PDK1: variants seen among roughly 807,000 people sequenced by gnomAD.
PDK1 encodes the protein pyruvate dehydrogenase kinase 1.
In PDK1, 39 loss-of-function variants were observed where a neutral mutation model predicts 54.2. That is an observed-to-expected ratio of 0.72 (90% confidence interval 0.56 to 0.94). The LOEUF (loss-of-function observed/expected upper bound fraction) is 0.94. PDK1 is among the 40% of genes least tolerant of loss of function. The pLI is 0.00. For synonymous variants in PDK1, 221 were observed against 207.1 expected (o/e 1.07, Z -0.58); for missense variants, 552 against 566.0 (o/e 0.98, Z 0.25).
chr2:172,665,669 C>T, the PDK1 span, among the ~76,000 whole-genome samples: 1 of 152,194 alleles, frequency 6.6e-6, no homozygotes, highest in Non-Finnish European at 1.5e-5. Context: ...CTCTCTCATT[C>T]TTCCTTGATA....
intron 1 of PDK1, among the ~76,000 whole-genome samples, chr2:172,557,066 T>TA (rs60724401): frequency 0.14 from 20,790 of 152,238 alleles, 1,601 homozygotes; most frequent in African/African-American, 0.19. Context: ...AATGAATTCA[T>TA]AAAATTTGAG....
the PDK1 span, among the ~76,000 whole-genome samples, chr2:172,703,776 T>C: frequency 1.5e-5 from 2 of 137,474 alleles, no homozygotes; most frequent in Non-Finnish European, 3.1e-5. Context: ...CTTTTTTTTT[T>C]TTTTTTTTTT....
the PDK1 span, among the ~76,000 whole-genome samples, chr2:172,653,956 G>A: frequency 0.13 from 19,952 of 152,132 alleles, 2,261 homozygotes; most frequent in East Asian, 0.53. Context: ...TCAAAAAGTG[G>A]GCAAAGGATA....
chr2:172,587,375 C>G (rs1414276230), intron 9 of PDK1, among the ~76,000 whole-genome samples: 23 of 151,916 alleles, frequency 1.5e-4, no homozygotes, highest in Admixed American at 1.5e-3. Context: ...GTTGTTTGTT[C>G]CTCTCAGTGG....
the PDK1 span, among the ~76,000 whole-genome samples, chr2:172,718,423 C>G: frequency 6.6e-6 from 1 of 152,142 alleles, no homozygotes; most frequent in African/African-American, 2.4e-5. Flanking sequence ...TAAAAATATG[C>G]ATGTTATTGA....
intron 8 of PDK1, among the ~76,000 whole-genome samples, chr2:172,575,967 G>A (rs547060623): frequency 9.9e-5 from 15 of 151,996 alleles, no homozygotes; most frequent in African/African-American, 2.9e-4. Flanking sequence ...TTGCTCTGTC[G>A]CCCAGGCTGG....
the PDK1 span, among the ~76,000 whole-genome samples, chr2:172,652,478 G>A: frequency 3.9e-5 from 6 of 152,138 alleles, no homozygotes; most frequent in African/African-American, 1.4e-4. Context: ...GGGCAATCAG[G>A]CAGGACAAGG....
At chr2:172,715,606 A>G in the PDK1 span, among the ~76,000 whole-genome samples, 1 of 152,184 alleles carries the variant, frequency 6.6e-6, no homozygotes, top group Non-Finnish European at 1.5e-5. Context: ...TGCCCGCCTC[A>G]TGGGAATGCA....
the PDK1 span, among the ~76,000 whole-genome samples, chr2:172,696,159 C>T: frequency 1.7e-5 from 2 of 119,252 alleles, no homozygotes; most frequent in African/African-American, 3.3e-5. Flanking sequence ...GCAACAAGAG[C>T]GAAACTCTGT....
At chr2:172,654,882 G>C in the PDK1 span, among the ~76,000 whole-genome samples, 2 of 152,100 alleles carry the variant, frequency 1.3e-5, no homozygotes, top group Non-Finnish European at 2.9e-5. Flanking sequence ...CACCCGAGAG[G>C]TTACCTAATA....
At chr2:172,571,534 A>T (rs954988435) in intron 8 of PDK1, among the ~76,000 whole-genome samples, 2 of 152,042 alleles carry the variant, frequency 1.3e-5, no homozygotes, top group African/African-American at 4.8e-5. Flanking sequence ...CTGGCTAATT[A>T]AAAGAATTTT....
At chr2:172,622,127 CTCATATTATGTGAGATATGTTTATATCAT>C in the PDK1 span, among the ~76,000 whole-genome samples, 345 of 119,312 alleles carry the variant, frequency 2.9e-3, no homozygotes, top group East Asian at 0.011. Context: ...ATGTTTATAT[CTCATATTATGTGAGATATGTTTATATCAT>C]ATATTATGTG....
chr2:172,644,787 T>C, the PDK1 span, among the ~76,000 whole-genome samples: 2 of 152,226 alleles, frequency 1.3e-5, no homozygotes, highest in African/African-American at 4.8e-5. Context: ...CTTTTCATCT[T>C]ATTCCATACT....
At chr2:172,668,278 ATT>A in the PDK1 span, among the ~76,000 whole-genome samples, 25,727 of 141,400 alleles carry the variant, frequency 0.18, 2,732 homozygotes, top group East Asian at 0.53. Context: ...TTCTTTCTTT[ATT>A]TTTTTTTTTT....
chr2:172,576,576 G>A (rs1051464327), intron 8 of PDK1, among the ~76,000 whole-genome samples: 4 of 151,496 alleles, frequency 2.6e-5, no homozygotes, highest in African/African-American at 9.7e-5. Flanking sequence ...AGTTTCTTAA[G>A]GTGGAAGTTT....
the PDK1 span, among the ~76,000 whole-genome samples, chr2:172,653,273 G>C: frequency 6.6e-6 from 1 of 152,152 alleles, no homozygotes; most frequent in Non-Finnish European, 1.5e-5. Flanking sequence ...GCCATATGTA[G>C]AAAGCTGAAA....
At chr2:172,570,889 G>A (rs1689215593) in intron 8 of PDK1, 65 bp downstream of exon 8, 5 of 874,950 alleles carry the variant, frequency 5.7e-6, no homozygotes, top group African/African-American at 3.5e-5. Context: ...GACATGCAAA[G>A]GTAACCATAC....
chr2:172,615,899 T>TA, the PDK1 span, among the ~76,000 whole-genome samples: 1 of 152,218 alleles, frequency 6.6e-6, no homozygotes, highest in Non-Finnish European at 1.5e-5. Flanking sequence ...TGCTACATGC[T>TA]ACATTTATTC....
chr2:172,679,091 A>G, the PDK1 span: 1 of 152,214 alleles, frequency 6.6e-6, no homozygotes, highest in Non-Finnish European at 1.5e-5. Context: ...GGATAATGGT[A>G]TGTTTTTTAC....
Sources: allele counts gnomAD v4.1 joint callset (sites outside exome capture counted in the v4.1 genomes callset), GRCh38; gene constraint gnomAD v4.1.1; transcripts MANE v1.5; gene names NCBI Gene and HGNC (gene_info 2026-07-23, HGNC 2026-07-21).